Variants in CYRIB observed in about 807,000 individuals in gnomAD.
CYRIB encodes CYFIP-related Rac1 interactor B.
In CYRIB, 8 loss-of-function variants were observed where a neutral mutation model predicts 44.2. That is an observed-to-expected ratio of 0.18 (90% CI 0.11 to 0.33). The LOEUF (loss-of-function observed/expected upper bound fraction) is 0.33. Ranked by LOEUF, CYRIB falls within the 10% of genes least tolerant of loss-of-function variation. CYRIB has a pLI of 1.00. For synonymous variants in CYRIB, 131 were observed against 127.2 expected (o/e 1.03, Z -0.20); for missense variants, 185 against 382.8 (o/e 0.48, Z 4.31).
intron 10 of CYRIB, among the ~76,000 whole-genome samples, chr8:129,847,645 T>A (rs539500105): frequency 6.6e-6 from 1 of 152,304 alleles, no homozygotes; most frequent in Admixed American, 6.5e-5. Flanking sequence ...CGAAGTGTTA[T>A]GCCTGGCAGC....
chr8:129,942,867 T>C (rs1248529803), upstream of CYRIB, among the ~76,000 whole-genome samples: 1 of 152,212 alleles, frequency 6.6e-6, no homozygotes, highest in Non-Finnish European at 1.5e-5. Context: ...ATGTGACAGA[T>C]GCAGGATTCA....
intron 1 of CYRIB, among the ~76,000 whole-genome samples, chr8:129,928,336 A>C (rs1010084267): frequency 1.3e-4 from 20 of 152,030 alleles, no homozygotes; most frequent in African/African-American, 4.6e-4. Context: ...AAAAAAAAAA[A>C]AAAACACCAT....
At chr8:129,993,775 G>A (rs2133486037) in intron 1 of CYRIB, among the ~76,000 whole-genome samples, 1 of 151,552 alleles carries the variant, frequency 6.6e-6, no homozygotes, top group Admixed American at 6.6e-5. Context: ...GGTGGGAGAA[G>A]CACTTGAACC....
intron 2 of CYRIB, among the ~76,000 whole-genome samples, chr8:129,955,298 A>C (rs1038378103): frequency 3.3e-5 from 5 of 151,876 alleles, no homozygotes; most frequent in Non-Finnish European, 5.9e-5. Flanking sequence ...TGAAGAAATA[A>C]GTGGAAATGC....
chr8:129,896,135 TAACA>T (rs2067934957), intron 2 of CYRIB, among the ~76,000 whole-genome samples: 1 of 152,214 alleles, frequency 6.6e-6, no homozygotes, highest in South Asian at 2.1e-4. Flanking sequence ...AACTCCAGCC[TAACA>T]GACATTCTGT....
At chr8:129,849,198 A>G (rs1479333988) in intron 10 of CYRIB, 45 bp downstream of exon 12, 2 of 1,528,794 alleles carry the variant, frequency 1.3e-6, no homozygotes, top group Non-Finnish European at 1.8e-6. Context: ...TATGGTTTCC[A>G]TGGAGAAACT....
chr8:129,896,560 T>A (rs957919463), intron 2 of CYRIB: 2 of 151,384 alleles, frequency 1.3e-5, no homozygotes. Context: ...AAAATCCTGA[T>A]GACCAACAGT....
chr8:129,873,733 C>T (rs775944200), intron 3 of CYRIB, among the ~76,000 whole-genome samples: 7 of 151,952 alleles, frequency 4.6e-5, no homozygotes, highest in Non-Finnish European at 8.8e-5. Flanking sequence ...TGAGACTTAA[C>T]ATACAAACGA....
intron 1 of CYRIB, among the ~76,000 whole-genome samples, chr8:130,007,228 G>A (rs1210807858): frequency 6.6e-6 from 1 of 152,070 alleles, no homozygotes; most frequent in Non-Finnish European, 1.5e-5. Flanking sequence ...GAAAACCACC[G>A]CCCTCTCCCA....
intron 3 of CYRIB, among the ~76,000 whole-genome samples, chr8:129,873,242 C>T (rs2057986154): frequency 6.6e-6 from 1 of 151,668 alleles, no homozygotes; most frequent in South Asian, 2.1e-4. Flanking sequence ...CAAGAGGAGC[C>T]AATTGAAAAA....
intron 1 of CYRIB, among the ~76,000 whole-genome samples, chr8:129,990,490 G>A (rs960446928): frequency 4.3e-4 from 57 of 133,578 alleles, no homozygotes; most frequent in Non-Finnish European, 7.0e-4. Flanking sequence ...GCATGTGTGT[G>A]TGTATGCGTG....
At chr8:129,871,235 C>T (rs2057063630) in intron 4 of CYRIB, 140 bp downstream of exon 6, 2 of 1,000,120 alleles carry the variant, frequency 2.0e-6, no homozygotes, top group African/African-American at 1.7e-5. Context: ...GCAATCACTT[C>T]TGAAACAATG....
intron 1 of CYRIB, among the ~76,000 whole-genome samples, chr8:129,927,558 C>A (rs1344396997): frequency 1.3e-5 from 2 of 152,156 alleles, no homozygotes; most frequent in Non-Finnish European, 2.9e-5. Context: ...ACGGATATGT[C>A]TCTATGAATA....
intron 2 of CYRIB, among the ~76,000 whole-genome samples, chr8:129,882,945 C>T (rs1316985515): frequency 6.6e-6 from 1 of 151,608 alleles, no homozygotes; most frequent in Non-Finnish European, 1.5e-5. Flanking sequence ...CGCTTGTAAT[C>T]CCAGCACTTT....
intron 10 of CYRIB, among the ~76,000 whole-genome samples, chr8:129,848,321 C>T (rs1200595458): frequency 6.6e-6 from 1 of 152,030 alleles, no homozygotes; most frequent in Non-Finnish European, 1.5e-5. Context: ...AATCGAGATC[C>T]GAAATGCTAA....
At chr8:129,937,381 C>T (rs1312763792) in intron 1 of CYRIB, among the ~76,000 whole-genome samples, 1 of 152,178 alleles carries the variant, frequency 6.6e-6, no homozygotes, top group Admixed American at 6.5e-5. Context: ...CCAGTATCTT[C>T]CCCCATGGAG....
intron 11 of CYRIB, among the ~76,000 whole-genome samples, chr8:129,846,215 A>G (rs1227417466): frequency 6.6e-6 from 1 of 152,250 alleles, no homozygotes; most frequent in East Asian, 1.9e-4. Context: ...GACATTAAAT[A>G]ATGACTACTT....
chr8:130,011,673 A>G (rs2097220014), intron 1 of CYRIB, among the ~76,000 whole-genome samples: 1 of 150,460 alleles, frequency 6.6e-6, no homozygotes, highest in East Asian at 1.9e-4. Flanking sequence ...AAAAAAAAAG[A>G]AAGAAAGAAA....
Position 129,884,376 on chromosome 8 carries a change from C to T in CYRIB, c.-10-4905G>A, listed in dbSNP as rs374910281. On this transcript the variant is annotated intron_variant, in intron 2 of 11. Transcript: ENST00000519824. ...CAATCTCGGCTCACTGCAACCTTCG[C>T]CTCCCAGGTTCAAGTGATTCTCCTG... Among the ~76,000 whole-genome samples the T allele has an allele frequency of 2.0e-5, 3 of 152,110 alleles. No individual in the cohort carries two copies. In the East Asian group the frequency reaches 5.8e-4, roughly 29 times the overall value.
Sources: gnomAD v4.1 joint callset for allele counts (sites outside exome capture counted in the v4.1 genomes callset) on GRCh38, gnomAD v4.1.1 for gene constraint, MANE v1.5 for transcripts, NCBI Gene and HGNC (gene_info 2026-07-23, HGNC 2026-07-21) for gene names.